The following ZSCAN32 variants were observed in gnomAD, a reference collection of about 807,000 sequenced individuals.
The protein encoded by ZSCAN32 is zinc finger and SCAN domain containing 32.
ZSCAN32 carries 52 observed loss-of-function variants against 47.4 expected under a neutral mutation model. The observed-to-expected ratio is 1.10, with a 90% CI of 0.88 to 1.38. The LOEUF (loss-of-function observed/expected upper bound fraction) is 1.38, where lower values mean the gene tolerates loss of function less well. Among genes scored for constraint, ZSCAN32 ranks in the 40% most tolerant of loss-of-function variants. The pLI, the probability that ZSCAN32 is intolerant of heterozygous loss-of-function variation, is 0.00. For missense variants in ZSCAN32, 959 were observed against 846.0 expected, an observed-to-expected ratio of 1.13 and a Z score of -1.66; for synonymous variants, 346 against 305.7, an observed-to-expected ratio of 1.13 and a Z score of -1.38.
At chr16:3,400,069 G>A (rs1028796345) in intron 1 of ZSCAN32, among the ~76,000 whole-genome samples, 2 of 152,154 alleles carry the variant, frequency 1.3e-5, no homozygotes, top group African/African-American at 4.8e-5. Flanking sequence ...GGACTACTGA[G>A]CTGTACACTT....
chr16:3,383,142 C>A lies in ZSCAN32; in HGVS notation c.1804G>T (p.Glu602Ter). ...CAGACAATGCACTGGTAAGGCTTTT[C>A]CCCGGTATGGGTCCTCTGGTGGACA... Reference protein sequence around the residue: ...LIVHQRTHTGEKPYQCIVCGK... With the variant: ...LIVHQRTHTG The change falls in exon 7 of 7, where the codon GAA (glutamate) becomes TAA (stop). Residue 602 changes from glutamate (E) to a stop codon, truncating the protein, a stop_gained. Transcript: ENST00000396852. LOFTEE classifies it low-confidence loss of function (END_TRUNC). 2.5e-6 allele frequency: 4 copies of A among 1,614,162 alleles called. No homozygotes were observed. The highest frequency in any genetic ancestry group is 3.4e-6 in the Non-Finnish European group (4 of 1,180,026).
chr16:3,393,170 C>T (rs886166413), intron 3 of ZSCAN32, among the ~76,000 whole-genome samples: 4 of 67,570 alleles, frequency 5.9e-5, no homozygotes, highest in African/African-American at 2.9e-4. Context: ...ATATATATTT[C>T]TATATATATA....
chr16:3,385,443 CTTTAAAG>C (rs1297127394), intron 5 of ZSCAN32, among the ~76,000 whole-genome samples: 1 of 152,204 alleles, frequency 6.6e-6, no homozygotes, highest in Non-Finnish European at 1.5e-5. Flanking sequence ...GAAAAAACTA[CTTTAAAG>C]TTTATATGGA....
chr16:3,399,157 A>T (rs1331241824), intron 1 of ZSCAN32, among the ~76,000 whole-genome samples: 1 of 152,124 alleles, frequency 6.6e-6, no homozygotes, highest in Non-Finnish European at 1.5e-5. Flanking sequence ...CGGGAGGCGG[A>T]GGTTGCAGTG....
At chr16:3,394,632 TA>T (rs1317100605) in intron 2 of ZSCAN32, among the ~76,000 whole-genome samples, 2 of 152,172 alleles carry the variant, frequency 1.3e-5, no homozygotes, top group Non-Finnish European at 2.9e-5. Flanking sequence ...CCCTCCGTAG[TA>T]ACAGCACTCT....
At chr16:3,395,915 T>C (rs1440720418) in intron 2 of ZSCAN32, among the ~76,000 whole-genome samples, 3 of 152,174 alleles carry the variant, frequency 2.0e-5, no homozygotes, top group African/African-American at 7.2e-5. Flanking sequence ...AGAGGATCGC[T>C]TGAACCCAGG....
chr16:3,394,527 C>T (rs1315597770), intron 2 of ZSCAN32, among the ~76,000 whole-genome samples: 1 of 152,142 alleles, frequency 6.6e-6, no homozygotes, highest in Non-Finnish European at 1.5e-5. Flanking sequence ...GTCCAGGACA[C>T]TATCTGCTGT....
At position 3,390,105 on chromosome 16, in the gene ZSCAN32, A is replaced by C; in HGVS notation, c.656T>G (p.Val219Gly). ...CATCCATTCTTGCTGACAGAGGGAT[A>C]CAGCTCTGTTGTCACGCATGGCTGG... ...QGPAMRDNRA[V>G]SLCQQEWMCP... Residue 219 changes from valine (V) to glycine (G), a missense_variant, in exon 5 of 7, where the codon GTA becomes GGA. Transcript: ENST00000396852. 6.2e-7 allele frequency: 1 copy of C among 1,613,666 alleles called. No homozygotes were observed. Among genetic ancestry groups the C allele is most frequent in the Non-Finnish European group, 8.5e-7 (1 of 1,179,826 alleles).
intron 3 of ZSCAN32, among the ~76,000 whole-genome samples, 168 bp downstream of exon 3, chr16:3,393,473 GTCTGGTCT>G (rs1567320929): frequency 6.6e-6 from 1 of 150,610 alleles, no homozygotes; most frequent in Non-Finnish European, 1.5e-5. Flanking sequence ...TGATCCGCCT[GTCTGGTCT>G]TCCAAGGTGC....
Position 3,397,614 on chromosome 16 carries a change from C to T in ZSCAN32, c.-57G>A. ...CACTTCTACCCTGGAGATCAGAGTC[C>T]ATCTTTCCCACATCACTGGGAAGCC... On this transcript the variant is annotated 5_prime_UTR_variant, in exon 2 of 7. It removes an upstream start codon present in the reference 5' UTR. Coordinates refer to ENST00000396852, the MANE Select transcript of ZSCAN32 (RefSeq NM_001284527.2). The T allele has an allele frequency of 2.7e-6, 4 of 1,456,764 alleles. No individual in the cohort carries two copies. The highest frequency in any genetic ancestry group is 2.9e-5 in the South Asian group (2 of 68,928). The allele number at this position is 1,456,764 out of a possible 1,614,324, so 90.2% of individuals were successfully genotyped here. A position where few individuals can be genotyped will look rare whatever the true frequency, so the allele number is the denominator to read the frequency against.
chr16:3,389,603 G>A (rs1378345268), intron 5 of ZSCAN32, among the ~76,000 whole-genome samples: 1 of 152,184 alleles, frequency 6.6e-6, no homozygotes, highest in African/African-American at 2.4e-5. Flanking sequence ...TCCTGGTTGG[G>A]TGGTTTTATT....
At chr16:3,394,511 A>C (rs1052012299) in intron 2 of ZSCAN32, among the ~76,000 whole-genome samples, 2 of 152,128 alleles carry the variant, frequency 1.3e-5, no homozygotes, top group African/African-American at 2.4e-5. Flanking sequence ...TCATGGCTCC[A>C]TCAGGGTCCA....
Position 3,383,205 on chromosome 16 carries a change from G to A in ZSCAN32, c.1741C>T (p.Gln581Ter), listed in dbSNP as rs1335900974. 6.2e-7 allele frequency: 1 copy of A among 1,614,090 alleles called. No homozygotes were observed. ...HTGERPYQCGQCGKSFNQSSS... is the reference protein window; with the variant it reads ...HTGERPYQCG ...CTCTGGTTGAAGCTTTTCCCACATTGCCCACACTGATAGGGCCTCTCCCCT... is the reference window on the plus strand; with the variant it reads ...CTCTGGTTGAAGCTTTTCCCACATTACCCACACTGATAGGGCCTCTCCCCT... The change falls in exon 7 of 7, where the codon CAA becomes TAA. Residue 581 changes from glutamine to a stop codon, truncating the protein, a stop_gained. Transcript: ENST00000396852. LOFTEE classifies it low-confidence loss of function (END_TRUNC).
chr16:3,397,236 C>T lies in ZSCAN32; in HGVS notation c.322G>A (p.Ala108Thr). ...TGTACATCCTCAACCAGAGCCACAG[C>T]TTCCTCGCCGTTTTCTGGATGCTGC... is the stretch of plus-strand genomic sequence containing the variant. ...REQHPENGEEAVALVEDVQRA... is the reference protein window; with the variant it reads ...REQHPENGEETVALVEDVQRA... Residue 108 changes from alanine to threonine, a missense_variant, in exon 2 of 7, where the codon GCT (alanine) becomes ACT (threonine). Ala to Thr is a moderately conservative substitution (Grantham distance 58, BLOSUM62 0). Transcript: ENST00000396852. 6.4e-7 allele frequency: 1 copy of T among 1,559,184 alleles called. No individual in the cohort carries two copies. Among genetic ancestry groups the T allele is most frequent in the Non-Finnish European group, 8.7e-7 (1 of 1,151,708 alleles).
At position 3,383,752 on chromosome 16, in the gene ZSCAN32, A is replaced by G. The variant is rs200831664; in HGVS notation, c.1235-41T>C. 1,415 of 1,533,070 alleles carry G rather than the reference A, an allele frequency of 9.2e-4. 2 individuals are homozygous for G. The highest frequency in any genetic ancestry group is 1.1e-3 in the Non-Finnish European group (1,272 of 1,151,514). 95.0% of individuals were successfully genotyped at this position (1,533,070 alleles called of 1,614,324 possible). ...CCCACAGAAATACAATGGACTATAGAGAAGGAAAACAATGGAATGCAAAGT... is the reference window on the plus strand; with the variant it reads ...CCCACAGAAATACAATGGACTATAGGGAAGGAAAACAATGGAATGCAAAGT... On this transcript the variant is annotated intron_variant, in intron 6 of 6. Coordinates refer to ENST00000396852, the MANE Select transcript of ZSCAN32 (RefSeq NM_001284527.2).
intron 1 of ZSCAN32, among the ~76,000 whole-genome samples, chr16:3,400,273 A>G (rs1270928704): frequency 6.6e-6 from 1 of 152,174 alleles, no homozygotes; most frequent in South Asian, 2.1e-4. Context: ...CCAAAAAGAA[A>G]CTGAGAGCGA....
intron 1 of ZSCAN32, among the ~76,000 whole-genome samples, chr16:3,400,596 T>C (rs1203170119): frequency 6.6e-6 from 1 of 152,224 alleles, no homozygotes; most frequent in African/African-American, 2.4e-5. Flanking sequence ...GATAGGTTTT[T>C]CACTTAGTTA....
Position 3,383,278 on chromosome 16 carries a change from C to G in ZSCAN32, c.1668G>C (p.Lys556Asn), listed in dbSNP as rs142045528. 5 of 1,614,102 alleles carry G rather than the reference C, an allele frequency of 3.1e-6. No homozygotes were observed. Among genetic ancestry groups the G allele is most frequent in the Admixed American group, 3.3e-5 (2 of 60,012 alleles). Residue 556 changes from lysine (K) to asparagine (N), a missense_variant, in exon 7 of 7, where the codon AAG becomes AAC. By Grantham distance (94) the Lys-to-Asn change is moderately conservative. Transcript: ENST00000396852. Reference protein sequence around the residue: ...EKPHKCSECGKGFSERSNLTA... With the variant: ...EKPHKCSECGNGFSERSNLTA... ...TGAGGTTGGAGCGCTCACTAAAGCCCTTCCCGCACTCACTGCACTTGTGAG... is the reference window on the plus strand; with the variant it reads ...TGAGGTTGGAGCGCTCACTAAAGCCGTTCCCGCACTCACTGCACTTGTGAG...
At chr16:3,393,934 C>T (rs2033117384) in intron 2 of ZSCAN32, 120 bp from the exon 3 acceptor site, 2 of 789,096 alleles carry the variant, frequency 2.5e-6, no homozygotes, top group East Asian at 2.8e-5. Flanking sequence ...AATCTAGGAG[C>T]CACTGTATTG....
Sources: allele counts gnomAD v4.1 joint callset (sites outside exome capture counted in the v4.1 genomes callset), GRCh38; gene constraint gnomAD v4.1.1; transcripts MANE v1.5; gene names NCBI Gene and HGNC (gene_info 2026-07-23, HGNC 2026-07-21).